The following DOCK4 variants were observed in gnomAD, a reference collection of about 807,000 sequenced individuals.
DOCK4 encodes dedicator of cytokinesis 4, also known as dedicator of cytokinesis protein 4.
A neutral mutation model predicts 268.1 loss-of-function variants in DOCK4; 97 were observed. The ratio of observed to expected loss-of-function variants is 0.36; its 90% CI spans 0.31 to 0.43. The LOEUF is 0.43. DOCK4 is among the 20% of genes least tolerant of loss of function. The pLI, the probability that DOCK4 is intolerant of heterozygous loss-of-function variation, is 1.00. For missense variants in DOCK4, 2,145 were observed against 2,455.7 expected, an observed-to-expected ratio of 0.87 and a Z score of 2.67; for synonymous variants, 954 against 887.2, an observed-to-expected ratio of 1.08 and a Z score of -1.34.
At chr7:111,799,691 A>G (rs1800133231) in intron 30 of DOCK4, among the ~76,000 whole-genome samples, 1 of 152,232 alleles carries the variant, frequency 6.6e-6, no homozygotes, top group Non-Finnish European at 1.5e-5. Flanking sequence ...ATTCATCTTA[A>G]TCCCACTCCT....
At chr7:111,836,976 GA>G (rs1385284049) in intron 25 of DOCK4, among the ~76,000 whole-genome samples, 1 of 151,802 alleles carries the variant, frequency 6.6e-6, no homozygotes, top group Non-Finnish European at 1.5e-5. Flanking sequence ...GAAGAAATGA[GA>G]AAAAAACTTT....
chr7:111,958,145 C>T (rs1420408927), intron 8 of DOCK4, among the ~76,000 whole-genome samples: 1 of 152,132 alleles, frequency 6.6e-6, no homozygotes, highest in African/African-American at 2.4e-5. Context: ...TCTCTTAATG[C>T]TTTGCCTCAA....
intron 30 of DOCK4, among the ~76,000 whole-genome samples, chr7:111,794,240 G>C (rs1554595016): frequency 6.6e-6 from 1 of 152,194 alleles, no homozygotes; most frequent in Non-Finnish European, 1.5e-5. Context: ...GCCAACTTAA[G>C]ATGGAAGGCA....
At chr7:111,961,094 C>T (rs1467704044) in intron 8 of DOCK4, among the ~76,000 whole-genome samples, 2 of 152,078 alleles carry the variant, frequency 1.3e-5, no homozygotes, top group Non-Finnish European at 2.9e-5. Flanking sequence ...CGTCTGCTTG[C>T]CTTCCTCCTA....
intron 1 of DOCK4, among the ~76,000 whole-genome samples, chr7:112,113,610 A>G (rs963478662): frequency 4.6e-5 from 7 of 151,836 alleles, no homozygotes; most frequent in African/African-American, 1.7e-4. Context: ...GTCTTGCTCT[A>G]TTGCCCAGGC....
At chr7:112,032,883 C>T (rs1225966928) in intron 1 of DOCK4, among the ~76,000 whole-genome samples, 1 of 151,974 alleles carries the variant, frequency 6.6e-6, no homozygotes, top group Non-Finnish European at 1.5e-5. Context: ...AAAAGACATC[C>T]TAATCTCTGA....
At chr7:111,958,171 T>C (rs2134950568) in intron 8 of DOCK4, among the ~76,000 whole-genome samples, 1 of 152,270 alleles carries the variant, frequency 6.6e-6, no homozygotes, top group East Asian at 1.9e-4. Flanking sequence ...ATCTAAGACT[T>C]GTAAGCTTCC....
intron 12 of DOCK4, among the ~76,000 whole-genome samples, chr7:111,934,658 T>C (rs1246987532): frequency 2.7e-5 from 4 of 150,208 alleles, no homozygotes; most frequent in Non-Finnish European, 5.9e-5. Context: ...GCCTCCGGAG[T>C]AGCTGGGACT....
At chr7:112,105,650 T>C (rs536593612) in intron 1 of DOCK4, among the ~76,000 whole-genome samples, 3 of 151,696 alleles carry the variant, frequency 2.0e-5, no homozygotes, top group African/African-American at 7.2e-5. Context: ...CTTCTTCCTC[T>C]TCCTCCTTCC....
At chr7:112,192,295 G>T (rs2116805315) in intron 1 of DOCK4, among the ~76,000 whole-genome samples, 1 of 152,040 alleles carries the variant, frequency 6.6e-6, no homozygotes, top group African/African-American at 2.4e-5. Context: ...AGGGGGAGGA[G>T]GTGGAAATTA....
chr7:111,872,634 A>G, intron 17 of DOCK4, 70 bp from the exon 18 acceptor site: 1 of 1,311,864 alleles, frequency 7.6e-7, no homozygotes. Flanking sequence ...GCGTTCTGCT[A>G]GTAAAAGTAA....
intron 1 of DOCK4, among the ~76,000 whole-genome samples, chr7:112,021,769 G>A (rs1299738728): frequency 6.6e-6 from 1 of 152,108 alleles, no homozygotes; most frequent in African/African-American, 2.4e-5. Context: ...ATTCACAGCT[G>A]TCAAACACAA....
chr7:112,084,503 T>A (rs1808886455), intron 1 of DOCK4, among the ~76,000 whole-genome samples: 1 of 152,168 alleles, frequency 6.6e-6, no homozygotes, highest in African/African-American at 2.4e-5. Flanking sequence ...TTTCTTTAAA[T>A]AAAGTCTGCT....
At chr7:112,132,105 T>C (rs1026838549) in intron 1 of DOCK4, among the ~76,000 whole-genome samples, 18 of 152,124 alleles carry the variant, frequency 1.2e-4, no homozygotes, top group Admixed American at 9.8e-4. Context: ...TGGCAGCCCT[T>C]AGACCATTAG....
chr7:112,134,711 A>G (rs961604361), intron 1 of DOCK4, among the ~76,000 whole-genome samples: 5 of 152,218 alleles, frequency 3.3e-5, no homozygotes, highest in African/African-American at 4.8e-5. Flanking sequence ...GCGAGACTCC[A>G]TCTCAAATAA....
chr7:112,125,164 C>A (rs1253387715), intron 1 of DOCK4, among the ~76,000 whole-genome samples: 1 of 152,134 alleles, frequency 6.6e-6, no homozygotes, highest in East Asian at 1.9e-4. Flanking sequence ...ATAATATCCA[C>A]TATTTTCTAT....
intron 16 of DOCK4, among the ~76,000 whole-genome samples, chr7:111,884,203 C>A (rs1807654131): frequency 6.6e-6 from 1 of 152,140 alleles, no homozygotes; most frequent in Non-Finnish European, 1.5e-5. Context: ...ATATACCATA[C>A]AAATACTGGA....
intron 11 of DOCK4, among the ~76,000 whole-genome samples, chr7:111,936,873 C>A (rs756674946): frequency 6.6e-6 from 1 of 152,006 alleles, no homozygotes; most frequent in Non-Finnish European, 1.5e-5. Context: ...GATTTTTGAG[C>A]CAATTAACAG....
At chr7:111,903,811 G>A (rs1442763040) in intron 13 of DOCK4, among the ~76,000 whole-genome samples, 1 of 152,172 alleles carries the variant, frequency 6.6e-6, no homozygotes, top group Non-Finnish European at 1.5e-5. Flanking sequence ...ATACTTTAGA[G>A]CAAAATATAT....
Sources: allele counts gnomAD v4.1 joint callset (sites outside exome capture counted in the v4.1 genomes callset), GRCh38; gene constraint gnomAD v4.1.1; transcripts MANE v1.5; gene names NCBI Gene and HGNC (gene_info 2026-07-23, HGNC 2026-07-21).